Variants in COL19A1 observed in about 807,000 individuals in gnomAD.
The protein encoded by COL19A1 is collagen type XIX alpha 1 chain.
COL19A1 carries 159 observed loss-of-function variants against 190.2 expected under a neutral mutation model. That is an observed-to-expected ratio of 0.84 (90% CI 0.73 to 0.95). The LOEUF (loss-of-function observed/expected upper bound fraction) is 0.95. COL19A1 is among the 40% of genes least tolerant of loss of function. COL19A1 has a pLI of 0.00. For synonymous variants in COL19A1, 509 were observed against 458.9 expected (o/e 1.11, Z -1.39); for missense variants, 1,418 against 1,431.9 (o/e 0.99, Z 0.16).
chr6:69,899,164 AATT>A, intron 3 of COL19A1, 142 bp downstream of exon 3: 1 of 555,092 alleles, frequency 1.8e-6, no homozygotes, highest in Non-Finnish European at 3.1e-6. Flanking sequence ...AATTCTTTTT[AATT>A]TTTTTTTTTT....
chr6:70,161,461 T>A (rs1421538172), intron 34 of COL19A1, among the ~76,000 whole-genome samples: 1 of 152,180 alleles, frequency 6.6e-6, no homozygotes, highest in East Asian at 1.9e-4. Flanking sequence ...AGCTCACCCT[T>A]CTTACTCTTT....
At chr6:69,878,143 C>G (rs191569040) in intron 1 of COL19A1, among the ~76,000 whole-genome samples, 2 of 151,900 alleles carry the variant, frequency 1.3e-5, no homozygotes, top group Admixed American at 1.3e-4. Context: ...AGATGCAAAT[C>G]AAATGCACAG....
intron 14 of COL19A1, chr6:70,059,653 G>A: frequency 3.0e-6 from 1 of 328,046 alleles, no homozygotes; most frequent in Non-Finnish European, 6.2e-6. Context: ...GCCAAAAGAG[G>A]TAACAGCCTT....
chr6:70,041,799 C>T (rs1304382407), intron 14 of COL19A1, among the ~76,000 whole-genome samples: 1 of 152,000 alleles, frequency 6.6e-6, no homozygotes, highest in East Asian at 1.9e-4. Flanking sequence ...TACCTCTAAT[C>T]CCAGCACTTT....
At chr6:70,086,840 T>C (rs929644963) in intron 15 of COL19A1, among the ~76,000 whole-genome samples, 1 of 152,194 alleles carries the variant, frequency 6.6e-6, no homozygotes, top group Non-Finnish European at 1.5e-5. Flanking sequence ...TTTACTTCCA[T>C]TTTCATTGTT....
intron 12 of COL19A1, among the ~76,000 whole-genome samples, chr6:70,028,058 C>G (rs1029389053): frequency 5.9e-5 from 9 of 152,102 alleles, no homozygotes; most frequent in Non-Finnish European, 1.0e-4. Context: ...ATAGTACTTA[C>G]TGTAGGGGAA....
chr6:70,107,015 T>C (rs1562179385), intron 16 of COL19A1, among the ~76,000 whole-genome samples: 1 of 152,184 alleles, frequency 6.6e-6, no homozygotes, highest in African/African-American at 2.4e-5. Flanking sequence ...ATTTCCAGTG[T>C]CTTAGGGAAT....
chr6:70,150,758 A>G (rs934542305), intron 30 of COL19A1, among the ~76,000 whole-genome samples: 1 of 152,122 alleles, frequency 6.6e-6, no homozygotes, highest in Non-Finnish European at 1.5e-5. Context: ...GTGTGGAGGC[A>G]TATTTTGGCA....
intron 34 of COL19A1, among the ~76,000 whole-genome samples, chr6:70,161,305 G>A (rs1233475229): frequency 6.6e-6 from 1 of 152,112 alleles, no homozygotes; most frequent in Non-Finnish European, 1.5e-5. Context: ...ATGGCATTCT[G>A]CCAATCTAAA....
chr6:70,183,182 C>T (rs12191702), intron 44 of COL19A1, among the ~76,000 whole-genome samples: 23,402 of 152,116 alleles, frequency 0.15, 2,278 homozygotes, highest in Non-Finnish European at 0.22. Context: ...TTGCCATCTG[C>T]TGTTGAACAT....
intron 14 of COL19A1, among the ~76,000 whole-genome samples, chr6:70,039,511 A>G (rs1383051738): frequency 6.6e-6 from 1 of 152,194 alleles, no homozygotes; most frequent in African/African-American, 2.4e-5. Flanking sequence ...GAGAAGGACA[A>G]CAAGCATTGA....
chr6:69,963,666 C>A (rs185377907), intron 11 of COL19A1, among the ~76,000 whole-genome samples: 2 of 152,304 alleles, frequency 1.3e-5, no homozygotes, highest in East Asian at 3.9e-4. Context: ...AAGTCCAGAG[C>A]AGGTGTATAA....
intron 1 of COL19A1, among the ~76,000 whole-genome samples, chr6:69,874,537 G>A (rs1313461544): frequency 2.0e-5 from 3 of 152,144 alleles, no homozygotes; most frequent in Non-Finnish European, 2.9e-5. Context: ...GGATCACAAG[G>A]TCAGGAGATC....
At position 70,168,176 on chromosome 6, in the gene COL19A1, T is replaced by C. The variant is rs771104590; in HGVS notation, c.2502T>C (p.Gly834=). Residue 834 remains glycine, a synonymous_variant, in exon 39 of 51, where the codon GGT becomes GGC. Transcript: ENST00000620364. The stretch of plus-strand genomic sequence containing the variant: ...CTTTTCATTTTCTTTTGAAGGGAGG[T>C]GTGAATGTTCCCAGTTACCCAGGGC... ...GMSSLYKIKG[G]VNVPSYPGPP... 4 of 1,613,146 alleles carry C rather than the reference T, an allele frequency of 2.5e-6. No individual in the cohort carries two copies. Among genetic ancestry groups the C allele is most frequent in the Non-Finnish European group, 3.4e-6 (4 of 1,179,546 alleles).
intron 11 of COL19A1, among the ~76,000 whole-genome samples, chr6:70,000,771 C>T (rs1247424964): frequency 6.6e-6 from 1 of 151,994 alleles, no homozygotes; most frequent in African/African-American, 2.4e-5. Flanking sequence ...GGATATTAGA[C>T]CTTTGTCACA....
At chr6:70,166,100 G>T (rs542598857) in intron 37 of COL19A1, 115 bp downstream of exon 37, 12 of 941,236 alleles carry the variant, frequency 1.3e-5, no homozygotes, top group African/African-American at 6.6e-5. Flanking sequence ...TGAATTTCGT[G>T]TATAAATATA....
At chr6:70,029,632 G>T (rs1440001135) in intron 12 of COL19A1, among the ~76,000 whole-genome samples, 1 of 152,160 alleles carries the variant, frequency 6.6e-6, no homozygotes. Flanking sequence ...AAGCATTACT[G>T]ATGTGTTTCT....
At chr6:69,935,469 A>G (rs1773037190) in intron 7 of COL19A1, among the ~76,000 whole-genome samples, 1 of 152,080 alleles carries the variant, frequency 6.6e-6, no homozygotes, top group Admixed American at 6.6e-5. Context: ...CTGAAACATC[A>G]TATCAAATCA....
chr6:69,998,763 A>G (rs1255652104), intron 11 of COL19A1, among the ~76,000 whole-genome samples: 3 of 152,054 alleles, frequency 2.0e-5, no homozygotes, highest in Non-Finnish European at 4.4e-5. Flanking sequence ...ATTCAAGCAT[A>G]TACAGAAAGA....
Sources: allele counts gnomAD v4.1 joint callset (sites outside exome capture counted in the v4.1 genomes callset), GRCh38; gene constraint gnomAD v4.1.1; transcripts MANE v1.5; gene names NCBI Gene and HGNC (gene_info 2026-07-23, HGNC 2026-07-21).